The following METTL8 variants were observed in gnomAD, a reference collection of about 807,000 sequenced individuals.
The protein encoded by METTL8 is tRNA N(3)-cytidine methyltransferase METTL8, mitochondrial.
METTL8 carries 32 observed loss-of-function variants against 48.7 expected under a neutral mutation model. That is an observed-to-expected ratio of 0.66 (90% confidence interval 0.50 to 0.88). The LOEUF (loss-of-function observed/expected upper bound fraction) is 0.88, where lower values mean the gene tolerates loss of function less well. Ranked by LOEUF, METTL8 falls within the 40% of genes least tolerant of loss-of-function variation. The pLI, the probability that METTL8 is intolerant of heterozygous loss-of-function variation, is 0.00. For missense variants in METTL8, 464 were observed against 474.4 expected (o/e 0.98, Z 0.20); for synonymous variants, 136 against 157.1 (o/e 0.87, Z 1.01).
intron 1 of METTL8, among the ~76,000 whole-genome samples, chr2:171,392,535 GTAATTTTAT>G (rs1230617556): frequency 6.6e-6 from 1 of 152,056 alleles, no homozygotes; most frequent in Non-Finnish European, 1.5e-5. Flanking sequence ...TTTTTTTAAA[GTAATTTTAT>G]TTTTTGGGGG....
chr2:171,430,826 C>T (rs1692936352), intron 1 of METTL8, among the ~76,000 whole-genome samples: 1 of 152,200 alleles, frequency 6.6e-6, no homozygotes, highest in African/African-American at 2.4e-5. Flanking sequence ...CCATTTGGTG[C>T]ACTTTCCTCT....
At chr2:171,347,842 TCTGGCCA>T (rs1683441802) in intron 3 of METTL8, among the ~76,000 whole-genome samples, 2 of 152,174 alleles carry the variant, frequency 1.3e-5, no homozygotes, top group Non-Finnish European at 2.9e-5. Flanking sequence ...CCTAATACTC[TCTGGCCA>T]TATTCCCCTC....
rs75010858 is a variant in METTL8, at chr2:171,322,580, CAA to C, written c.*1590_*1591del. 5 of 133,714 alleles carry C rather than the reference CAA, an allele frequency of 3.7e-5. No individual in the cohort carries two copies. The highest frequency in any genetic ancestry group is 7.4e-5 in the Admixed American group (1 of 13,592). 8.3% of individuals were successfully genotyped at this position (133,714 alleles called of 1,614,324 possible). ...TGAAACCCCGTCTCTACTAAAAATA[CAA>C]AAAAAAAAAAAATTAGCTGGGCATG... On this transcript the variant is annotated 3_prime_UTR_variant, in exon 10 of 10. Transcript: ENST00000375258.
chr2:171,342,304 A>T (rs932469376), intron 3 of METTL8, among the ~76,000 whole-genome samples: 8 of 152,250 alleles, frequency 5.3e-5, no homozygotes, highest in African/African-American at 1.9e-4. Context: ...TTAAGGTCTG[A>T]GAAATGAAAG....
chr2:171,352,954 G>A (rs1236366503), intron 3 of METTL8, among the ~76,000 whole-genome samples: 1 of 152,058 alleles, frequency 6.6e-6, no homozygotes, highest in Non-Finnish European at 1.5e-5. Context: ...AGGGTTTTTT[G>A]TGTCTCTATC....
chr2:171,429,929 A>G (rs929907819), intron 1 of METTL8, among the ~76,000 whole-genome samples: 11 of 152,002 alleles, frequency 7.2e-5, no homozygotes, highest in African/African-American at 2.7e-4. Flanking sequence ...AATCCCAGCT[A>G]CTCGGGAGGC....
At chr2:171,415,932 G>A (rs945664969) in intron 1 of METTL8, among the ~76,000 whole-genome samples, 4 of 152,178 alleles carry the variant, frequency 2.6e-5, no homozygotes, top group Non-Finnish European at 4.4e-5. Flanking sequence ...GATTAAGGTG[G>A]AGCAAAGAAC....
chr2:171,394,809 G>A (rs1688907556), intron 1 of METTL8, among the ~76,000 whole-genome samples: 1 of 152,186 alleles, frequency 6.6e-6, no homozygotes, highest in Admixed American at 6.5e-5. Flanking sequence ...TTGTTTGACT[G>A]ATTACATAAA....
intron 1 of METTL8, among the ~76,000 whole-genome samples, chr2:171,424,253 T>C (rs540636686): frequency 4.3e-5 from 6 of 139,698 alleles, no homozygotes; most frequent in African/African-American, 1.6e-4. Flanking sequence ...ACCTCTGCTA[T>C]GGCAGTGCGG....
intron 2 of METTL8, among the ~76,000 whole-genome samples, chr2:171,382,244 C>T (rs1325181417): frequency 6.6e-6 from 1 of 152,282 alleles, no homozygotes; most frequent in East Asian, 1.9e-4. Context: ...ACTCTAAAGA[C>T]ACATGCACAC....
At chr2:171,432,734 C>T (rs577128524) in intron 1 of METTL8, among the ~76,000 whole-genome samples, 77 of 152,284 alleles carry the variant, frequency 5.1e-4, no homozygotes, top group Middle Eastern at 3.4e-3. Context: ...GTTTACTAAA[C>T]ACTTAAACTG....
At chr2:171,386,555 GGA>G (rs913666746) in intron 2 of METTL8, among the ~76,000 whole-genome samples, 1 of 152,186 alleles carries the variant, frequency 6.6e-6, no homozygotes, top group African/African-American at 2.4e-5. Context: ...CCTGAGGTCA[GGA>G]GTGCGAGACC....
intron 1 of METTL8, among the ~76,000 whole-genome samples, chr2:171,425,072 C>T (rs1357676017): frequency 2.0e-5 from 3 of 152,160 alleles, no homozygotes; most frequent in African/African-American, 7.2e-5. Flanking sequence ...TTGCTCTGCA[C>T]TTCTCCTTGC....
At chr2:171,360,724 T>C (rs546015178) in intron 2 of METTL8, among the ~76,000 whole-genome samples, 1 of 152,334 alleles carries the variant, frequency 6.6e-6, no homozygotes, top group Admixed American at 6.5e-5. Flanking sequence ...TTAAATCTGG[T>C]TGTGCTGCAA....
At chr2:171,338,565 G>C (rs142691423) in intron 4 of METTL8, among the ~76,000 whole-genome samples, 2 of 151,644 alleles carry the variant, frequency 1.3e-5, no homozygotes, top group Non-Finnish European at 2.9e-5. Flanking sequence ...GCTTGAACCC[G>C]GGAGGCAGAA....
chr2:171,330,837 A>G (rs1685454248), intron 6 of METTL8, 139 bp from the exon 7 acceptor site: 3 of 661,298 alleles, frequency 4.5e-6, no homozygotes, highest in Non-Finnish European at 7.6e-6. Flanking sequence ...CTTTTTTCCA[A>G]TTCAGTATTG....
At chr2:171,370,800 T>G (rs1008459577) in intron 2 of METTL8, among the ~76,000 whole-genome samples, 1 of 151,946 alleles carries the variant, frequency 6.6e-6, no homozygotes, top group African/African-American at 2.4e-5. Context: ...CAAAAATAAA[T>G]AAATAAATAA....
chr2:171,429,335 A>C (rs1207718094), intron 1 of METTL8, among the ~76,000 whole-genome samples: 1 of 152,228 alleles, frequency 6.6e-6, no homozygotes, highest in Non-Finnish European at 1.5e-5. Flanking sequence ...GGACAAATGA[A>C]GCCATGACAT....
At chr2:171,376,284 T>G (rs78681748) in intron 2 of METTL8, among the ~76,000 whole-genome samples, 2,796 of 152,288 alleles carry the variant, frequency 0.018, 84 homozygotes, top group African/African-American at 0.064. Flanking sequence ...AAAGCTCAAG[T>G]TAAATCCTAC....
Sources: gnomAD v4.1 joint callset for allele counts (sites outside exome capture counted in the v4.1 genomes callset) on GRCh38, gnomAD v4.1.1 for gene constraint, MANE v1.5 for transcripts, NCBI Gene and HGNC (gene_info 2026-07-23, HGNC 2026-07-21) for gene names.